Variants in GCC2 observed in about 807,000 individuals in gnomAD.
The protein encoded by GCC2 is GRIP and coiled-coil domain containing 2.
A neutral mutation model predicts 210.6 loss-of-function variants in GCC2; 120 were observed. The observed-to-expected ratio is 0.57, with a 90% CI of 0.49 to 0.66. The LOEUF is 0.66. Among genes scored for constraint, GCC2 ranks in the 30% least tolerant of loss-of-function variants. The pLI, the probability that GCC2 is intolerant of heterozygous loss-of-function variation, is 0.00. For missense variants in GCC2, 1,868 were observed against 1,871.9 expected, an observed-to-expected ratio of 1.00 and a Z score of 0.04; for synonymous variants, 703 against 652.7, an observed-to-expected ratio of 1.08 and a Z score of -1.17.
intron 12 of GCC2, among the ~76,000 whole-genome samples, 200 bp from the exon 13 acceptor site, chr2:108,483,949 T>C (rs1018553354): frequency 1.3e-5 from 2 of 152,198 alleles, no homozygotes; most frequent in African/African-American, 4.8e-5. Flanking sequence ...GGTTAAACTA[T>C]TAGAAAATAT....
Position 108,470,655 on chromosome 2 carries a change from G to T in GCC2, c.1326G>T (p.Glu442Asp), listed in dbSNP as rs968390662. ...AAAAAGAAATATCAGAACTAAATGAGACATTTTTGTCAGATTCAGAAAAAG... is the reference window on the plus strand; with the variant it reads ...AAAAAGAAATATCAGAACTAAATGATACATTTTTGTCAGATTCAGAAAAAG... ...QHQKEISELNETFLSDSEKEK... is the reference protein window; with the variant it reads ...QHQKEISELNDTFLSDSEKEK... The change falls in exon 6 of 23, where the codon GAG (glutamate) becomes GAT (aspartate). Residue 442 changes from glutamate to aspartate, a missense_variant. By Grantham distance (45) the Glu-to-Asp change is conservative. Coordinates refer to ENST00000309863, the MANE Select transcript of GCC2 (RefSeq NM_181453.4). The T allele has an allele frequency of 6.2e-7, 1 of 1,611,734 alleles. No homozygotes were observed. The highest frequency in any genetic ancestry group is 8.5e-7 in the Non-Finnish European group (1 of 1,178,786).
intron 7 of GCC2, 137 bp from the exon 8 acceptor site, chr2:108,475,398 T>G (rs1444956916): frequency 2.0e-6 from 1 of 492,054 alleles, no homozygotes; most frequent in Non-Finnish European, 3.6e-6. Context: ...TAAAAAATGA[T>G]ATTACTGTTT....
chr2:108,462,863 G>A (rs919324658), intron 4 of GCC2, among the ~76,000 whole-genome samples: 6 of 146,236 alleles, frequency 4.1e-5, no homozygotes, highest in Non-Finnish European at 9.0e-5. Context: ...GCATCTGGCC[G>A]ACTTTGCTCA....
rs909147577 is a variant in GCC2 at position 108,484,379 on chromosome 2, A to G, written c.3613+68A>G. On this transcript the variant is annotated intron_variant, in intron 13 of 22. Coordinates refer to ENST00000309863, the MANE Select transcript of GCC2 (RefSeq NM_181453.4). ...ATAACAACTTGATTTGGTGGGGGGCATTACTTGTTTATTTCACCAGTCTTT... is the reference window on the plus strand; with the variant it reads ...ATAACAACTTGATTTGGTGGGGGGCGTTACTTGTTTATTTCACCAGTCTTT... 8.0e-6 allele frequency: 7 copies of G among 877,552 alleles called. No homozygotes were observed. The Admixed American group carries it at 9.4e-5, about 12-fold the overall frequency. The allele number at this position is 877,552 out of a possible 1,614,324, so 54.4% of individuals were successfully genotyped here.
rs775082891 is a variant in GCC2 at position 108,486,376 on chromosome 2, C to A, written c.3793-135C>A. The A allele has an allele frequency of 1.6e-5, 13 of 807,978 alleles. 1 individual carries two copies. The South Asian group carries it at 1.8e-4, about 11-fold the overall frequency. The allele number at this position is 807,978 out of a possible 1,614,324, so 50.1% of individuals were successfully genotyped here. A position where few individuals can be genotyped will look rare whatever the true frequency, so the allele number is the denominator to read the frequency against. ...TGTCTCTGCTTTTTCAATAATAATA[C>A]ATAAAAATATTTCACTACTTAATTA... On this transcript the variant is annotated intron_variant, in intron 15 of 22. Transcript: ENST00000309863.
intron 20 of GCC2, 148 bp from the exon 21 acceptor site, chr2:108,496,822 T>C: frequency 9.4e-7 from 1 of 1,069,242 alleles, no homozygotes; most frequent in Non-Finnish European, 1.3e-6. Flanking sequence ...AATCTGTTGA[T>C]TGAGGTATGC....
chr2:108,485,062 A>G (rs1366911460), intron 13 of GCC2, among the ~76,000 whole-genome samples: 1 of 151,982 alleles, frequency 6.6e-6, no homozygotes, highest in Non-Finnish European at 1.5e-5. Flanking sequence ...TCAGTAAACT[A>G]TCTCAAGAAC....
At chr2:108,454,983 A>AAAACACTC (rs1317184660) in intron 4 of GCC2, among the ~76,000 whole-genome samples, 1 of 146,896 alleles carries the variant, frequency 6.8e-6, no homozygotes, top group East Asian at 2.1e-4. Context: ...ACCTCTATAG[A>AAAACACTC]GTGTTAGAAA....
rs775406077 is a variant in GCC2 at position 108,489,856 on chromosome 2, G to C, written c.4071G>C (p.Leu1357=). 1 of 1,602,682 alleles carries C rather than the reference G, an allele frequency of 6.2e-7. No homozygotes were observed. Among genetic ancestry groups the C allele is most frequent in the Non-Finnish European group, 8.5e-7 (1 of 1,176,044 alleles). Residue 1357 remains leucine, a synonymous_variant, in exon 18 of 23, where the codon CTG becomes CTC. Coordinates refer to ENST00000309863, the MANE Select transcript of GCC2 (RefSeq NM_181453.4). ...AKQEREHLEM[L]IDQLKIKLQD... ...GTTTTAGGGAACATCTGGAAATGCTGATTGACCAGCTAAAAATCAAATTAC... is the reference window on the plus strand; with the variant it reads ...GTTTTAGGGAACATCTGGAAATGCTCATTGACCAGCTAAAAATCAAATTAC...
intron 9 of GCC2, 150 bp downstream of exon 9, chr2:108,476,000 A>G (rs1681495248): frequency 2.0e-6 from 1 of 489,516 alleles, no homozygotes; most frequent in Admixed American, 3.9e-5. Context: ...GGTGCAATGT[A>G]ATAGAATCCT....
At chr2:108,507,532 CTTT>C in intron 22 of GCC2, 25 bp from the exon 23 acceptor site, 1 of 1,292,716 alleles carries the variant, frequency 7.7e-7, no homozygotes, top group Non-Finnish European at 1.1e-6. Context: ...TTTTATTTTT[CTTT>C]TTTTTTTTGT....
intron 13 of GCC2, among the ~76,000 whole-genome samples, chr2:108,485,178 G>C (rs1461001938): frequency 2.0e-5 from 3 of 151,458 alleles, no homozygotes; most frequent in Non-Finnish European, 4.4e-5. Flanking sequence ...TGGTGGGGTG[G>C]GGGGAGTGGG....
At position 108,449,274 on chromosome 2, in the gene GCC2, G is replaced by C; in HGVS notation, c.-1G>C. 2 of 1,549,812 alleles carry C rather than the reference G, an allele frequency of 1.3e-6. No homozygotes were observed. Among genetic ancestry groups the C allele is most frequent in the Non-Finnish European group, 1.7e-6 (2 of 1,145,654 alleles). ...TGCGGGCCGGCGGCGGGCTGGCGGA[G>C]ATGGAGGTAACTCAGGTCGGGCCCA... On this transcript the variant is annotated 5_prime_UTR_variant, in exon 1 of 23. Coordinates refer to ENST00000309863, the MANE Select transcript of GCC2 (RefSeq NM_181453.4).
At chr2:108,490,141 G>C in intron 18 of GCC2, 127 bp downstream of exon 18, 1 of 688,428 alleles carries the variant, frequency 1.5e-6, no homozygotes, top group Non-Finnish European at 2.2e-6. Flanking sequence ...CTAAAGGCTT[G>C]GAAACTTTGC....
At chr2:108,465,415 T>C (rs185986039) in intron 4 of GCC2, among the ~76,000 whole-genome samples, 1 of 152,296 alleles carries the variant, frequency 6.6e-6, no homozygotes, top group East Asian at 1.9e-4. Flanking sequence ...ATGAATTATA[T>C]AGTGGTGAAG....
In GCC2 at chr2:108,470,493, T is replaced by C. The variant is rs771895994; in HGVS notation, c.1164T>C (p.Asn388=). The C allele has an allele frequency of 6.2e-7, 1 of 1,610,064 alleles. No homozygotes were observed. The highest frequency in any genetic ancestry group is 1.7e-5 in the Admixed American group (1 of 59,732). Residue 388 remains asparagine (N), a synonymous_variant, in exon 6 of 23, where the codon AAT becomes AAC. Transcript: ENST00000309863. The part of the protein sequence containing the change: ...HEREDLEFKI[N]ELLLAKEEQG... ...GGGAAGACTTAGAGTTTAAAATTAA[T>C]GAATTATTACTAGCTAAAGAAGAAC...
intron 22 of GCC2, among the ~76,000 whole-genome samples, chr2:108,503,420 T>C (rs1202094736): frequency 1.3e-5 from 2 of 152,184 alleles, no homozygotes; most frequent in Admixed American, 6.5e-5. Flanking sequence ...ATGATGTACT[T>C]TAAGCAAAAA....
chr2:108,501,778 C>T (rs1369137978), intron 22 of GCC2, among the ~76,000 whole-genome samples: 1 of 152,132 alleles, frequency 6.6e-6, no homozygotes, highest in Non-Finnish European at 1.5e-5. Flanking sequence ...TTGAGAACCC[C>T]TGGTCTAGAG....
chr2:108,466,094 T>A (rs532245114), intron 4 of GCC2, among the ~76,000 whole-genome samples: 1 of 152,338 alleles, frequency 6.6e-6, no homozygotes, highest in Non-Finnish European at 1.5e-5. Flanking sequence ...TTCAGAAATG[T>A]CTATTCATGT....
Sources: allele counts gnomAD v4.1 joint callset (sites outside exome capture counted in the v4.1 genomes callset), GRCh38; gene constraint gnomAD v4.1.1; transcripts MANE v1.5; gene names NCBI Gene and HGNC (gene_info 2026-07-23, HGNC 2026-07-21).